OGDH: variants seen among roughly 807,000 people sequenced by gnomAD.
OGDH encodes the protein 2-oxoglutarate dehydrogenase complex component E1.
In OGDH, 38 loss-of-function variants were observed where a neutral mutation model predicts 116.6. That is an observed-to-expected ratio of 0.33 (90% CI 0.25 to 0.43). OGDH has a LOEUF of 0.43. Ranked by LOEUF, OGDH falls within the 20% of genes least tolerant of loss-of-function variation. The pLI is 1.00. For synonymous variants in OGDH, 488 were observed against 533.3 expected, an observed-to-expected ratio of 0.92 and a Z score of 1.17; for missense variants, 825 against 1,357.2, an observed-to-expected ratio of 0.61 and a Z score of 6.16.
chr7:44,655,498 TC>T (rs1447748245), intron 4 of OGDH, among the ~76,000 whole-genome samples: 1 of 152,164 alleles, frequency 6.6e-6, no homozygotes, highest in Non-Finnish European at 1.5e-5. Flanking sequence ...TTCTCTGCAC[TC>T]CCAGTACAGG....
At chr7:44,633,458 A>G (rs1785533690) in intron 2 of OGDH, among the ~76,000 whole-genome samples, 1 of 152,094 alleles carries the variant, frequency 6.6e-6, no homozygotes, top group South Asian at 2.1e-4. Context: ...AGAAATTACT[A>G]AAAGGTTAGT....
intron 3 of OGDH, among the ~76,000 whole-genome samples, chr7:44,647,034 A>T (rs1443258684): frequency 6.6e-6 from 1 of 152,168 alleles, no homozygotes; most frequent in Non-Finnish European, 1.5e-5. Flanking sequence ...AGATCCTCCT[A>T]CCTCAGCCTC....
intron 10 of OGDH, among the ~76,000 whole-genome samples, chr7:44,683,391 A>T (rs1284980905): frequency 6.6e-6 from 1 of 151,772 alleles, no homozygotes; most frequent in Non-Finnish European, 1.5e-5. Flanking sequence ...ACCACTCCTG[A>T]CTAATTTTTT....
chr7:44,647,811 C>A, intron 4 of OGDH, 52 bp downstream of exon 4: 2 of 1,400,958 alleles, frequency 1.4e-6, no homozygotes, highest in Non-Finnish European at 2.0e-6. Context: ...CTCGCTGTGC[C>A]ACGACCTGTG....
intron 3 of OGDH, among the ~76,000 whole-genome samples, chr7:44,646,472 C>T (rs1786187427): frequency 6.6e-6 from 1 of 152,268 alleles, no homozygotes; most frequent in Non-Finnish European, 1.5e-5. Flanking sequence ...CAAGTGTATT[C>T]TGCCTTAGAA....
intron 10 of OGDH, among the ~76,000 whole-genome samples, chr7:44,688,969 C>T (rs1330816262): frequency 2.0e-5 from 3 of 151,870 alleles, no homozygotes; most frequent in East Asian, 1.9e-4. Context: ...AGGCTGGTCT[C>T]GAACTCCTGG....
chr7:44,651,318 G>C (rs927253251), intron 4 of OGDH, among the ~76,000 whole-genome samples: 1 of 152,170 alleles, frequency 6.6e-6, no homozygotes, highest in Admixed American at 6.5e-5. Flanking sequence ...TAGGGCACCT[G>C]TCTTCACTTC....
intron 18 of OGDH, 111 bp downstream of exon 18, chr7:44,698,374 C>G (rs1252314961): frequency 1.9e-5 from 21 of 1,132,354 alleles, no homozygotes; most frequent in East Asian, 4.9e-5. Flanking sequence ...GCCTCTGTCC[C>G]TTTCTCCATC....
At chr7:44,620,784 CGTTA>C (rs1784979870) in intron 1 of OGDH, among the ~76,000 whole-genome samples, 1 of 151,546 alleles carries the variant, frequency 6.6e-6, no homozygotes, top group Non-Finnish European at 1.5e-5. Context: ...CATCAGCTGT[CGTTA>C]GTGTTAGTGT....
At chr7:44,647,546 G>A in intron 3 of OGDH, 111 bp from the exon 4 acceptor site, 1 of 1,545,264 alleles carries the variant, frequency 6.5e-7, no homozygotes, top group East Asian at 2.4e-5. Context: ...TGAGAATTAA[G>A]CTGTAAATGC....
chr7:44,620,080 G>A (rs1409490822), intron 1 of OGDH, among the ~76,000 whole-genome samples: 1 of 152,160 alleles, frequency 6.6e-6, no homozygotes, highest in East Asian at 1.9e-4. Context: ...GAGTGCGGTG[G>A]TGCGATCTCA....
Position 44,689,081 on chromosome 7 carries a change from G to T in OGDH, c.1336-4744G>T, listed in dbSNP as rs189584045. On this transcript the variant is annotated intron_variant, in intron 10 of 22. Coordinates refer to ENST00000222673, the MANE Select transcript of OGDH (RefSeq NM_002541.4). ...TACATATGTTTGAATTCCTTTTCGGGTATATACGTAGGAGTAGAATTGCTA... is the reference window on the plus strand; with the variant it reads ...TACATATGTTTGAATTCCTTTTCGGTTATATACGTAGGAGTAGAATTGCTA... Among the ~76,000 whole-genome samples the T allele has an allele frequency of 1.1e-4, 17 of 152,034 alleles. No individual in the cohort carries two copies. The East Asian group carries it at 3.1e-3, about 28-fold the overall frequency.
intron 2 of OGDH, among the ~76,000 whole-genome samples, chr7:44,636,797 T>C (rs1470965106): frequency 6.6e-6 from 1 of 152,196 alleles, no homozygotes; most frequent in East Asian, 1.9e-4. Flanking sequence ...TTACCTAAAA[T>C]TAAATAGGAG....
At chr7:44,631,662 C>A (rs1329347093) in intron 2 of OGDH, among the ~76,000 whole-genome samples, 1 of 152,226 alleles carries the variant, frequency 6.6e-6, no homozygotes, top group Non-Finnish European at 1.5e-5. Flanking sequence ...AACACCCTCA[C>A]TTGTGTGGTA....
intron 5 of OGDH, among the ~76,000 whole-genome samples, chr7:44,671,024 AAAAAG>A (rs1415986456): frequency 7.9e-5 from 12 of 151,372 alleles, no homozygotes; most frequent in Admixed American, 5.2e-4. Flanking sequence ...AAAAAAAAAA[AAAAAG>A]AAAAGAAAAA....
At position 44,707,436 on chromosome 7, in the gene OGDH, G is replaced by A. The variant is rs1238353108; in HGVS notation, c.2796+48G>A. 3 of 1,608,658 alleles carry A rather than the reference G, an allele frequency of 1.9e-6. No homozygotes were observed. The South Asian group carries it at 3.3e-5, about 18-fold the overall frequency. ...GGGTGTCCCCCCAGCGGGGGTCAGG[G>A]CTCTGGTGCCTTCACAGAACAGCCT... On this transcript the variant is annotated intron_variant, in intron 21 of 22. Coordinates refer to ENST00000222673, the MANE Select transcript of OGDH (RefSeq NM_002541.4). The surrounding 1 kb of genome is among the most constrained non-coding windows in gnomAD (Gnocchi z 5.2).
intron 5 of OGDH, among the ~76,000 whole-genome samples, chr7:44,672,235 C>T (rs1481759300): frequency 3.9e-5 from 6 of 152,060 alleles, no homozygotes; most frequent in Admixed American, 6.6e-5. Flanking sequence ...GCAAAGTTTG[C>T]TTTGTTTCAT....
chr7:44,690,892 A>G (rs991905625), intron 10 of OGDH, among the ~76,000 whole-genome samples: 1 of 151,944 alleles, frequency 6.6e-6, no homozygotes, highest in Non-Finnish European at 1.5e-5. Context: ...ACCAGCTGAG[A>G]TTGTTCAGGG....
In OGDH at chr7:44,707,711, ACCATCAGCCGCG is replaced by A; in HGVS notation, c.2930_2941del (p.Ile977_Ala980del). On this transcript the variant is annotated inframe_deletion, in exon 22 of 23. Coordinates refer to ENST00000222673, the MANE Select transcript of OGDH (RefSeq NM_002541.4). This position sits in a 1 kb window ranked among gnomAD's most constrained non-coding sequence, Gnocchi z 5.2. ...CTACGTGAAGCCAAGACTTCGGACC[ACCATCAGCCGCG>A]CCAAGCCCGTCTGGTAAGGCTTCAG... is the stretch of plus-strand genomic sequence containing the variant. 1 of 1,614,162 alleles carries A rather than the reference ACCATCAGCCGCG, an allele frequency of 6.2e-7. No individual in the cohort carries two copies. Among genetic ancestry groups the A allele is most frequent in the Non-Finnish European group, 8.5e-7 (1 of 1,180,042 alleles).
Sources: allele counts gnomAD v4.1 joint callset (sites outside exome capture counted in the v4.1 genomes callset), GRCh38; gene constraint gnomAD v4.1.1; non-coding constraint Gnocchi (gnomAD v3.1); transcripts MANE v1.5; gene names NCBI Gene and HGNC (gene_info 2026-07-23, HGNC 2026-07-21).